The following SRPX variants were observed in gnomAD, a reference collection of about 807,000 sequenced individuals.
The protein encoded by SRPX is sushi repeat-containing protein SRPX.
SRPX carries 24 observed loss-of-function variants against 38.1 expected under a neutral mutation model. The ratio of observed to expected loss-of-function variants is 0.63; its 90% CI spans 0.46 to 0.89. The LOEUF (loss-of-function observed/expected upper bound fraction) is 0.89. Among genes scored for constraint, SRPX ranks in the 40% least tolerant of loss-of-function variants. SRPX has a pLI of 0.00. For synonymous variants in SRPX, 184 were observed against 153.8 expected (o/e 1.20, Z -1.45); for missense variants, 416 against 377.8 (o/e 1.10, Z -0.84).
chrX:38,183,194 C>T (rs1402971259), intron 1 of SRPX, among the ~76,000 whole-genome samples: 1 of 109,861 alleles, frequency 9.1e-6, no homozygotes, highest in East Asian at 2.8e-4. Flanking sequence ...GCTGGGATTA[C>T]AAGCATGCAC....
In SRPX at chrX:38,174,215, A is replaced by G. The variant is rs1348367134; in HGVS notation, c.294T>C (p.Ser98=). Residue 98 remains serine, a synonymous_variant, in exon 3 of 10, where the codon TCT becomes TCC. Transcript: ENST00000378533. ...RCQKGYELHG[S]SLLICQSNKR... Reference sequence around the variant, plus strand: ...TGTTTGACTGGCAGATCAGTAGGGAAGAGCCATGCAGCTCGTAGCCCTTCT... The same window carrying G: ...TGTTTGACTGGCAGATCAGTAGGGAGGAGCCATGCAGCTCGTAGCCCTTCT... 1 of 1,143,797 alleles carries G rather than the reference A, an allele frequency of 8.7e-7. No individual in the cohort carries two copies. Among genetic ancestry groups the G allele is most frequent in the Non-Finnish European group, 1.2e-6 (1 of 864,163 alleles). The allele number at this position is 1,143,797 out of a possible 1,213,427, so 94.3% of individuals were successfully genotyped here. A position where few individuals can be genotyped will look rare whatever the true frequency, so the allele number is the denominator to read the frequency against.
intron 1 of SRPX, among the ~76,000 whole-genome samples, chrX:38,212,019 G>A: frequency 8.9e-6 from 1 of 112,204 alleles, no homozygotes; most frequent in Middle Eastern, 4.6e-3. Context: ...CTCAGCCCCA[G>A]GAGTCTTGCC....
At chrX:38,208,476 C>T (rs1939254126) in intron 1 of SRPX, among the ~76,000 whole-genome samples, 1 of 112,048 alleles carries the variant, frequency 8.9e-6, no homozygotes, top group South Asian at 3.8e-4. Flanking sequence ...AGATTCATCC[C>T]TGTTGTTACA....
At position 38,157,118 on chromosome X, in the gene SRPX, A is replaced by G. The variant is rs917015961; in HGVS notation, c.956-89T>C. ...TGATGACACACAGAACCATTTGTGTAAGAAGTAAACCCTGAGATAAGGATT... is the reference window on the plus strand; with the variant it reads ...TGATGACACACAGAACCATTTGTGTGAGAAGTAAACCCTGAGATAAGGATT... On this transcript the variant is annotated intron_variant, in intron 7 of 9. Coordinates refer to ENST00000378533, the MANE Select transcript of SRPX (RefSeq NM_006307.5). The G allele has an allele frequency of 9.4e-6, 10 of 1,065,286 alleles. No homozygotes were observed. The East Asian group carries it at 3.1e-4, about 33-fold the overall frequency. 87.8% of individuals were successfully genotyped at this position (1,065,286 alleles called of 1,213,427 possible). A position where few individuals can be genotyped will look rare whatever the true frequency, so the allele number is the denominator to read the frequency against.
At chrX:38,176,464 C>T (rs544211543) in intron 2 of SRPX, among the ~76,000 whole-genome samples, 4 of 112,212 alleles carry the variant, frequency 3.6e-5, no homozygotes, top group African/African-American at 1.3e-4. Flanking sequence ...AAACTAAACC[C>T]TCACTTAATA....
chrX:38,160,349 G>C (rs928772538), intron 6 of SRPX, among the ~76,000 whole-genome samples, 153 bp from the exon 7 acceptor site: 4 of 111,754 alleles, frequency 3.6e-5, no homozygotes, highest in Non-Finnish European at 7.5e-5. Context: ...TATTTGGTCA[G>C]TGAGTGAGTC....
At chrX:38,202,313 A>G (rs758736601) in intron 1 of SRPX, among the ~76,000 whole-genome samples, 12 of 111,418 alleles carry the variant, frequency 1.1e-4, no homozygotes, top group Non-Finnish European at 2.1e-4. Context: ...GACAATATCC[A>G]TATGTTTAAC....
chrX:38,185,057 G>A (rs1038452022), intron 1 of SRPX, among the ~76,000 whole-genome samples: 6 of 112,054 alleles, frequency 5.4e-5, no homozygotes, highest in Non-Finnish European at 1.1e-4. Flanking sequence ...CACAGGCCTA[G>A]ACCTAACTTT....
chrX:38,177,225 G>A (rs1314020123), intron 2 of SRPX, among the ~76,000 whole-genome samples: 5 of 111,651 alleles, frequency 4.5e-5, no homozygotes, highest in Non-Finnish European at 7.5e-5. Context: ...ACGTATTTGT[G>A]CTTTGCTTGA....
chrX:38,157,357 A>T (rs1022759443), intron 7 of SRPX, among the ~76,000 whole-genome samples: 4 of 111,514 alleles, frequency 3.6e-5, no homozygotes, highest in African/African-American at 6.5e-5. Context: ...CTATGCTCCC[A>T]TGGAGGTTCT....
At chrX:38,196,738 G>A (rs1013414821) in intron 1 of SRPX, among the ~76,000 whole-genome samples, 1 of 112,219 alleles carries the variant, frequency 8.9e-6, no homozygotes, top group Non-Finnish European at 1.9e-5. Context: ...AGGAATAGGG[G>A]AAAAGCCCAT....
At chrX:38,210,602 A>G (rs376323308) in intron 1 of SRPX, among the ~76,000 whole-genome samples, 1 of 112,024 alleles carries the variant, frequency 8.9e-6, no homozygotes, top group East Asian at 2.8e-4. Flanking sequence ...CAGGTAGCAA[A>G]AGCCAGTCCA....
In SRPX at chrX:38,220,678, C is replaced by T. The variant is rs1280479958; in HGVS notation, c.97+18G>A. 1 of 1,185,764 alleles carries T rather than the reference C, an allele frequency of 8.4e-7. No individual in the cohort carries two copies. Among genetic ancestry groups the T allele is most frequent in the African/African-American group, 1.8e-5 (1 of 56,381 alleles). On this transcript the variant is annotated intron_variant, in intron 1 of 9. Coordinates refer to ENST00000378533, the MANE Select transcript of SRPX (RefSeq NM_006307.5). ...CTTTGGTGCCCAGCTGAGGAGGCAG[C>T]CACGCCTCCGATCCTACCTGGGAAG...
At chrX:38,190,982 T>C (rs1254208624) in intron 1 of SRPX, among the ~76,000 whole-genome samples, 2 of 111,563 alleles carry the variant, frequency 1.8e-5, no homozygotes, top group African/African-American at 6.5e-5. Flanking sequence ...GCCCTGAAGC[T>C]GCCAACGACA....
chrX:38,160,408 T>G (rs1938222417), intron 6 of SRPX, among the ~76,000 whole-genome samples: 1 of 112,088 alleles, frequency 8.9e-6, no homozygotes, highest in East Asian at 2.8e-4. Context: ...ATCAACTGGT[T>G]TCGCCCCTAG....
intron 5 of SRPX, among the ~76,000 whole-genome samples, chrX:38,162,902 A>C (rs1458675456): frequency 3.5e-5 from 4 of 113,108 alleles, no homozygotes; most frequent in Non-Finnish European, 5.6e-5. Flanking sequence ...ATTCTCACAA[A>C]GCTTGTAGAC....
intron 1 of SRPX, among the ~76,000 whole-genome samples, chrX:38,197,285 A>G (rs1022865030): frequency 1.8e-5 from 2 of 112,488 alleles, no homozygotes; most frequent in Admixed American, 1.9e-4. Flanking sequence ...AGTTGCCCAC[A>G]TTGTGAGCCA....
chrX:38,194,862 G>GTTTTTTT (rs1938965542), intron 1 of SRPX, among the ~76,000 whole-genome samples: 5 of 78,350 alleles, frequency 6.4e-5, no homozygotes, highest in African/African-American at 2.7e-4. Context: ...GTTTGTTTTT[G>GTTTTTTT]GTTTTTTTTT....
intron 1 of SRPX, among the ~76,000 whole-genome samples, chrX:38,191,541 GACACAC>G (rs10570334): frequency 4.4e-4 from 46 of 105,212 alleles, no homozygotes; most frequent in East Asian, 6.1e-4. Context: ...ATTATACACA[GACACAC>G]ACACACACAC....
Sources: gnomAD v4.1 joint callset for allele counts (sites outside exome capture counted in the v4.1 genomes callset) on GRCh38, gnomAD v4.1.1 for gene constraint, MANE v1.5 for transcripts, NCBI Gene and HGNC (gene_info 2026-07-23, HGNC 2026-07-21) for gene names.